Variants in EML4 observed in about 807,000 individuals in gnomAD.
The protein encoded by EML4 is echinoderm microtubule-associated protein-like 4.
Under a neutral mutation model 129.0 loss-of-function variants are expected in EML4, and 72 were observed. That is an observed-to-expected ratio of 0.56 (90% CI 0.46 to 0.68). The LOEUF (loss-of-function observed/expected upper bound fraction) is 0.68. EML4 is among the 30% of genes least tolerant of loss of function. EML4 has a pLI of 0.00. For synonymous variants in EML4, 532 were observed against 405.0 expected (o/e 1.31, Z -3.77); for missense variants, 1,363 against 1,190.6 (o/e 1.14, Z -2.13).
At chr2:42,246,082 G>C (rs1027288024) in intron 2 of EML4, among the ~76,000 whole-genome samples, 2 of 152,158 alleles carry the variant, frequency 1.3e-5, no homozygotes, top group Non-Finnish European at 2.9e-5. Context: ...AATCATCATA[G>C]TTTAAATAGC....
At chr2:42,296,829 G>A (rs955061846) in intron 13 of EML4, among the ~76,000 whole-genome samples, 5 of 152,132 alleles carry the variant, frequency 3.3e-5, no homozygotes, top group South Asian at 2.1e-4. Context: ...TATTTTTTAG[G>A]ACAGATATTC....
chr2:42,261,691 A>G (rs1665747609), intron 4 of EML4, among the ~76,000 whole-genome samples: 1 of 152,140 alleles, frequency 6.6e-6, no homozygotes. Context: ...TTTTGGCATC[A>G]TTACAACCTT....
At chr2:42,262,565 A>G in intron 4 of EML4, among the ~76,000 whole-genome samples, 1 of 152,108 alleles carries the variant, frequency 6.6e-6, no homozygotes, top group Non-Finnish European at 1.5e-5. Context: ...TGGAGACTGG[A>G]TGAGTTTGAG....
intron 1 of EML4, among the ~76,000 whole-genome samples, chr2:42,217,576 A>G (rs1198291209): frequency 6.6e-6 from 1 of 152,214 alleles, no homozygotes. Flanking sequence ...ATGCAGACTT[A>G]AACGTAGAGT....
chr2:42,320,010 T>C (rs958817883), intron 19 of EML4: 1 of 152,296 alleles, frequency 6.6e-6, no homozygotes, highest in Non-Finnish European at 1.5e-5. Context: ...TCTAACAAAT[T>C]ATAAGTTATA....
intron 19 of EML4, among the ~76,000 whole-genome samples, chr2:42,324,967 GAT>G (rs1457835518): frequency 1.3e-5 from 2 of 152,184 alleles, no homozygotes; most frequent in Non-Finnish European, 2.9e-5. Context: ...ATTCTTTAGA[GAT>G]AGTCTTTCTA....
chr2:42,288,252 T>C lies in EML4; in HGVS notation c.1148T>C (p.Ile383Thr). 2 of 1,533,574 alleles carry C rather than the reference T, an allele frequency of 1.3e-6. No individual in the cohort carries two copies. Among genetic ancestry groups the C allele is most frequent in the South Asian group, 1.2e-5 (1 of 84,638 alleles). The allele number at this position is 1,533,574 out of a possible 1,614,324, so 95.0% of individuals were successfully genotyped here. A position where few individuals can be genotyped will look rare whatever the true frequency, so the allele number is the denominator to read the frequency against. Residue 383 changes from isoleucine (I) to threonine (T), a missense_variant, in exon 11 of 23, where the codon ATT becomes ACT. Transcript: ENST00000318522. ...KADSGVHLCI[I>T]DDSNEHMLTV... ...GATTCAGGTGTTCATTTATGTATTA[T>C]TGATGACTCCAATGAGCATATGCTT...
intron 1 of EML4, among the ~76,000 whole-genome samples, chr2:42,181,252 T>C (rs1470713843): frequency 2.0e-5 from 3 of 152,140 alleles, no homozygotes; most frequent in Admixed American, 6.6e-5. Flanking sequence ...GACCTTCAGT[T>C]TATTGGTTTA....
At chr2:42,301,631 C>T (rs764847548) in intron 14 of EML4, among the ~76,000 whole-genome samples, 2 of 151,260 alleles carry the variant, frequency 1.3e-5, no homozygotes, top group Non-Finnish European at 2.9e-5. Flanking sequence ...CCTGTTAAAA[C>T]CAGAGCAAAT....
intron 19 of EML4, among the ~76,000 whole-genome samples, chr2:42,321,807 T>C (rs1669538063): frequency 6.6e-6 from 1 of 152,084 alleles, no homozygotes; most frequent in South Asian, 2.1e-4. Context: ...ATATCAAAAA[T>C]GTGGGAGAAA....
At chr2:42,218,916 A>G (rs973145696) in intron 1 of EML4, among the ~76,000 whole-genome samples, 2 of 152,188 alleles carry the variant, frequency 1.3e-5, no homozygotes, top group African/African-American at 4.8e-5. Flanking sequence ...TTCCCATCTC[A>G]GCCTCGCAAG....
chr2:42,264,564 A>T, intron 5 of EML4, 142 bp from the exon 6 acceptor site: 1 of 626,516 alleles, frequency 1.6e-6, no homozygotes, highest in African/African-American at 1.9e-5. Context: ...ACTTTAAAAA[A>T]TGCTGATTTC....
At chr2:42,188,816 A>G (rs1452019438) in intron 1 of EML4, among the ~76,000 whole-genome samples, 1 of 152,118 alleles carries the variant, frequency 6.6e-6, no homozygotes, top group African/African-American at 2.4e-5. Flanking sequence ...GTGAACCGCC[A>G]TGCCCAGCCT....
chr2:42,325,099 C>A (rs572838117), intron 19 of EML4: 2 of 435,682 alleles, frequency 4.6e-6, no homozygotes, highest in Non-Finnish European at 9.4e-6. Flanking sequence ...AACTTATAAC[C>A]AACACTTCAT....
Position 42,280,892 on chromosome 2 carries a change from C to G in EML4, c.710C>G (p.Thr237Ser). 5 of 1,611,928 alleles carry G rather than the reference C, an allele frequency of 3.1e-6. No homozygotes were observed. The highest frequency in any genetic ancestry group is 4.2e-6 in the Non-Finnish European group (5 of 1,178,728). ...ATGTTTATGCGCGGTCGGCCAATTACCATGTTCATTCCTTCCGATGTTGAC... is the reference window on the plus strand; with the variant it reads ...ATGTTTATGCGCGGTCGGCCAATTAGCATGTTCATTCCTTCCGATGTTGAC... ...IKMFMRGRPI[T>S]MFIPSDVDNY... is the part of the protein sequence containing the mutation. Residue 237 changes from threonine (T) to serine (S), a missense_variant, in exon 7 of 23, where the codon ACC (threonine) becomes AGC (serine). Transcript: ENST00000318522.
At chr2:42,265,879 C>A (rs76972842) in intron 6 of EML4, among the ~76,000 whole-genome samples, 2,512 of 152,252 alleles carry the variant, frequency 0.016, 33 homozygotes, top group Middle Eastern at 0.027. Context: ...AGACTTTTGG[C>A]GAATGCGTAT....
At chr2:42,327,271 A>G (rs1256456782) in intron 21 of EML4, among the ~76,000 whole-genome samples, 1 of 152,172 alleles carries the variant, frequency 6.6e-6, no homozygotes, top group African/African-American at 2.4e-5. Flanking sequence ...GGCTGTTTCT[A>G]CTTTTCAGCT....
At chr2:42,187,545 G>A (rs1395531855) in intron 1 of EML4, among the ~76,000 whole-genome samples, 2 of 152,138 alleles carry the variant, frequency 1.3e-5, no homozygotes, top group African/African-American at 2.4e-5. Flanking sequence ...GGACATTTCA[G>A]TTGCTATTAG....
chr2:42,220,690 G>C lies in EML4; in HGVS notation c.26-24815G>C, dbSNP rs888697989. On this transcript the variant is annotated intron_variant, in intron 1 of 22. Transcript: ENST00000318522. The stretch of plus-strand genomic sequence containing the variant: ...CAAAAGCTAGAAATGATGAAGCTTA[G>C]ATGAAGAAGGCATGTCAAAAGCTGA... Among the ~76,000 whole-genome samples, 11 of 152,160 alleles carry C rather than the reference G, an allele frequency of 7.2e-5. 1 individual carries two copies. The highest frequency in any genetic ancestry group is 2.7e-4 in the African/African-American group (11 of 41,442).
Sources: gnomAD v4.1 joint callset for allele counts (sites outside exome capture counted in the v4.1 genomes callset) on GRCh38, gnomAD v4.1.1 for gene constraint, MANE v1.5 for transcripts, NCBI Gene and HGNC (gene_info 2026-07-23, HGNC 2026-07-21) for gene names.